Variants in MTHFD2L observed in about 807,000 individuals in gnomAD.
MTHFD2L encodes the protein bifunctional methylenetetrahydrofolate dehydrogenase/cyclohydrolase 2, mitochondrial.
MTHFD2L carries 29 observed loss-of-function variants against 34.9 expected under a neutral mutation model. That is an observed-to-expected ratio of 0.83 (90% CI 0.62 to 1.13). MTHFD2L has a LOEUF of 1.13. Ranked by LOEUF, MTHFD2L falls within the 50% of genes most tolerant of loss-of-function variation. The probability of loss-of-function intolerance (pLI) is 0.00; values close to 1 mark genes in which losing one functional copy is unlikely to be tolerated. For missense variants in MTHFD2L, 481 were observed against 446.5 expected (o/e 1.08, Z -0.70); for synonymous variants, 167 against 155.7 (o/e 1.07, Z -0.54).
At chr4:74,129,769 C>T (rs1722338378) in intron 1 of MTHFD2L, among the ~76,000 whole-genome samples, 1 of 151,508 alleles carries the variant, frequency 6.6e-6, no homozygotes, top group Admixed American at 6.6e-5. Context: ...CACGAAAAAC[C>T]CTTCAAAAAA....
intron 5 of MTHFD2L, among the ~76,000 whole-genome samples, chr4:74,214,806 C>G (rs1027385784): frequency 2.0e-4 from 30 of 151,920 alleles, no homozygotes; most frequent in African/African-American, 7.0e-4. Context: ...GCTGCGCCCA[C>G]AGCCGCCCCT....
intron 6 of MTHFD2L, among the ~76,000 whole-genome samples, chr4:74,229,291 C>A (rs888544654): frequency 6.6e-6 from 1 of 152,056 alleles, no homozygotes; most frequent in Non-Finnish European, 1.5e-5. Flanking sequence ...TATAACCAGA[C>A]AATAGGAATA....
intron 5 of MTHFD2L, among the ~76,000 whole-genome samples, chr4:74,208,787 C>T (rs1735795571): frequency 6.6e-6 from 1 of 152,156 alleles, no homozygotes; most frequent in African/African-American, 2.4e-5. Context: ...CAGAGCGCCA[C>T]CCAGTCAGAA....
intron 6 of MTHFD2L, among the ~76,000 whole-genome samples, chr4:74,264,222 A>G (rs1404636326): frequency 6.6e-6 from 1 of 152,134 alleles, no homozygotes; most frequent in Non-Finnish European, 1.5e-5. Context: ...GGTAAAGAAA[A>G]GTAATATAAT....
chr4:74,127,722 T>G (rs1722179716), intron 1 of MTHFD2L, among the ~76,000 whole-genome samples: 1 of 152,192 alleles, frequency 6.6e-6, no homozygotes, highest in Admixed American at 6.6e-5. Context: ...GGATTGCAGA[T>G]ACCTCTTTGA....
At chr4:74,142,128 T>C (rs1329803080) in intron 1 of MTHFD2L, among the ~76,000 whole-genome samples, 1 of 152,164 alleles carries the variant, frequency 6.6e-6, no homozygotes, top group Non-Finnish European at 1.5e-5. Flanking sequence ...GGTGAGGAAG[T>C]GAGGTCATTG....
intron 6 of MTHFD2L, among the ~76,000 whole-genome samples, chr4:74,250,006 C>T (rs1392616608): frequency 1.8e-4 from 8 of 44,500 alleles, no homozygotes; most frequent in Non-Finnish European, 3.6e-4. Context: ...CTGTGTATTT[C>T]CTGAATCTGA....
At chr4:74,274,159 A>T (rs1447990569) in intron 6 of MTHFD2L, among the ~76,000 whole-genome samples, 1 of 151,994 alleles carries the variant, frequency 6.6e-6, no homozygotes, top group Non-Finnish European at 1.5e-5. Context: ...GCCTGTCAAA[A>T]TCAGTTTGAG....
At chr4:74,164,282 T>G (rs941583944) in intron 1 of MTHFD2L, among the ~76,000 whole-genome samples, 6 of 152,254 alleles carry the variant, frequency 3.9e-5, no homozygotes, top group African/African-American at 1.4e-4. Context: ...AGTATACGAA[T>G]TAAATAAACT....
Position 74,301,860 on chromosome 4 carries a change from C to A in MTHFD2L, c.*51C>A. The A allele has an allele frequency of 8.3e-7, 1 of 1,201,578 alleles. No individual in the cohort carries two copies. The highest frequency in any genetic ancestry group is 1.2e-6 in the Non-Finnish European group (1 of 831,986). 74.4% of individuals were successfully genotyped at this position (1,201,578 alleles called of 1,614,324 possible). The stretch of plus-strand genomic sequence containing the variant: ...GAAGTCATGCTATTTGTTTATTTGA[C>A]AAAGGGTAAAACCTTTATATTTTAC... On this transcript the variant is annotated 3_prime_UTR_variant, in exon 8 of 8. Transcript: ENST00000325278.
At chr4:74,238,176 G>C (rs1313492999) in intron 6 of MTHFD2L, among the ~76,000 whole-genome samples, 1 of 152,118 alleles carries the variant, frequency 6.6e-6, no homozygotes, top group Non-Finnish European at 1.5e-5. Context: ...TCCATACAGA[G>C]GTGGTGTTTG....
At chr4:74,197,869 G>A (rs546763221) in intron 3 of MTHFD2L, among the ~76,000 whole-genome samples, 85 of 152,182 alleles carry the variant, frequency 5.6e-4, no homozygotes, top group Non-Finnish European at 1.1e-3. Context: ...CATAGTAATA[G>A]GTAGATCTCT....
chr4:74,193,488 G>A (rs1732933091), intron 3 of MTHFD2L, among the ~76,000 whole-genome samples: 1 of 152,170 alleles, frequency 6.6e-6, no homozygotes, highest in Admixed American at 6.5e-5. Flanking sequence ...ATAGGATTAT[G>A]ATTGAGATGA....
intron 6 of MTHFD2L, among the ~76,000 whole-genome samples, chr4:74,258,051 A>C (rs1292362868): frequency 6.6e-6 from 1 of 152,096 alleles, no homozygotes; most frequent in Non-Finnish European, 1.5e-5. Flanking sequence ...CACAACTGTT[A>C]GGTTGGCTAT....
At chr4:74,206,878 T>C (rs56042229) in intron 5 of MTHFD2L, among the ~76,000 whole-genome samples, 6 of 152,198 alleles carry the variant, frequency 3.9e-5, no homozygotes, top group African/African-American at 1.4e-4. Flanking sequence ...AATCAGATTT[T>C]ATTTCATATT....
At chr4:74,277,225 C>T (rs1448405202) in intron 6 of MTHFD2L, among the ~76,000 whole-genome samples, 1 of 151,598 alleles carries the variant, frequency 6.6e-6, no homozygotes, top group Non-Finnish European at 1.5e-5. Context: ...AGCCAGCTTC[C>T]CAAGGCTCAG....
chr4:74,291,003 C>CTTTTTTTTT (rs10585551), intron 7 of MTHFD2L, among the ~76,000 whole-genome samples: 351 of 29,278 alleles, frequency 0.012, 89 homozygotes, highest in East Asian at 0.041. Flanking sequence ...TTTTCCTTTT[C>CTTTTTTTTT]TTTTTTTTTT....
chr4:74,176,594 A>G (rs1447649371), intron 3 of MTHFD2L, among the ~76,000 whole-genome samples: 1 of 152,034 alleles, frequency 6.6e-6, no homozygotes, highest in African/African-American at 2.4e-5. Context: ...CAATCATTTG[A>G]AAGAAGTGCT....
chr4:74,245,009 A>G (rs949357086), intron 6 of MTHFD2L, among the ~76,000 whole-genome samples: 11 of 152,016 alleles, frequency 7.2e-5, no homozygotes, highest in Non-Finnish European at 4.4e-5. Context: ...CCTGCCTAAC[A>G]CAGTGAAACC....
Sources: allele counts gnomAD v4.1 joint callset (sites outside exome capture counted in the v4.1 genomes callset), GRCh38; gene constraint gnomAD v4.1.1; transcripts MANE v1.5; gene names NCBI Gene and HGNC (gene_info 2026-07-23, HGNC 2026-07-21).